The following DPP10 variants were observed in gnomAD, a reference collection of about 807,000 sequenced individuals.
DPP10 encodes dipeptidyl peptidase like 10, also known as inactive dipeptidyl peptidase 10.
DPP10 carries 33 observed loss-of-function variants against 120.9 expected under a neutral mutation model. The observed-to-expected ratio is 0.27, with a 90% CI of 0.21 to 0.37. DPP10 has a LOEUF of 0.37. Ranked by LOEUF, DPP10 falls within the 10% of genes least tolerant of loss-of-function variation. The pLI is 1.00. For synonymous variants in DPP10, 337 were observed against 326.1 expected (o/e 1.03, Z -0.36); for missense variants, 816 against 942.8 (o/e 0.87, Z 1.76).
chr2:114,564,893 T>A (rs996791745), intron 1 of DPP10, among the ~76,000 whole-genome samples: 67 of 152,118 alleles, frequency 4.4e-4, no homozygotes, highest in African/African-American at 1.6e-3. Flanking sequence ...AGAGAGAGAT[T>A]TAAAGATCTT....
intron 1 of DPP10, among the ~76,000 whole-genome samples, chr2:115,021,193 C>T (rs986956999): frequency 7.2e-5 from 11 of 151,752 alleles, no homozygotes; most frequent in African/African-American, 2.7e-4. Flanking sequence ...GAAATTGAAA[C>T]AAACAACAAC....
At chr2:115,133,172 T>TATAC (rs2104800299) in intron 1 of DPP10, among the ~76,000 whole-genome samples, 1 of 129,542 alleles carries the variant, frequency 7.7e-6, no homozygotes, top group South Asian at 2.5e-4. Flanking sequence ...TATATATATA[T>TATAC]ATATAGTTTT....
chr2:115,016,038 C>T (rs763284163), intron 1 of DPP10, among the ~76,000 whole-genome samples: 3 of 152,044 alleles, frequency 2.0e-5, no homozygotes, highest in African/African-American at 7.2e-5. Context: ...GCCCATATAG[C>T]CAAGACAATC....
rs141587779 is a variant in DPP10 at position 114,913,125 on chromosome 2, T to C, written c.61-396114T>C. On this transcript the variant is annotated intron_variant, in intron 1 of 25. Transcript: ENST00000410059. The stretch of plus-strand genomic sequence containing the variant: ...GCCTCAGCTGCCAAGCCAAGATGCT[T>C]ACCGGCAGCCATCACCATAGCTCTT... 2.6e-3 allele frequency among the ~76,000 whole-genome samples: 401 copies of C among 152,316 alleles called. 1 individual carries two copies. The highest frequency in any genetic ancestry group is 9.2e-3 in the African/African-American group (384 of 41,584).
chr2:115,006,549 A>C (rs1314905245), intron 1 of DPP10, among the ~76,000 whole-genome samples: 14 of 149,090 alleles, frequency 9.4e-5, no homozygotes. Context: ...GAAAACAAAA[A>C]AAGGCAGGGG....
In DPP10 at chr2:114,497,863, G is replaced by C. The variant is rs1476711523; in HGVS notation, c.60+55025G>C. Among the ~76,000 whole-genome samples the C allele has an allele frequency of 3.9e-5, 6 of 152,178 alleles. No homozygotes were observed. The South Asian group carries it at 1.2e-3, about 32-fold the overall frequency. Reference sequence around the variant, plus strand: ...AAAGTGGGAGGCACAGAACAAGGGGGAGGGCAGGTATGAACATCCAGAGCG... The same window carrying C: ...AAAGTGGGAGGCACAGAACAAGGGGCAGGGCAGGTATGAACATCCAGAGCG... On this transcript the variant is annotated intron_variant, in intron 1 of 25. Transcript: ENST00000410059.
At chr2:114,661,323 T>A (rs994322173) in intron 1 of DPP10, among the ~76,000 whole-genome samples, 1 of 152,200 alleles carries the variant, frequency 6.6e-6, no homozygotes, top group Non-Finnish European at 1.5e-5. Flanking sequence ...AAATGGAGCA[T>A]AAGTTTCTCT....
chr2:115,577,755 T>C (rs1478328383), intron 5 of DPP10, among the ~76,000 whole-genome samples: 4 of 152,136 alleles, frequency 2.6e-5, no homozygotes, highest in African/African-American at 9.7e-5. Flanking sequence ...CCTTATATGC[T>C]CACATGGTGT....
intron 5 of DPP10, among the ~76,000 whole-genome samples, chr2:115,674,007 T>G (rs1243842584): frequency 6.6e-6 from 1 of 151,782 alleles, no homozygotes; most frequent in Non-Finnish European, 1.5e-5. Context: ...AGGTCAGGAG[T>G]TCGAGACCAG....
At chr2:115,003,909 G>C (rs1509735) in intron 1 of DPP10, among the ~76,000 whole-genome samples, 98,501 of 151,988 alleles carry the variant, frequency 0.65, 33,684 homozygotes, top group Non-Finnish European at 0.77. Context: ...CATAGTATTA[G>C]TTTACTACAT....
intron 5 of DPP10, among the ~76,000 whole-genome samples, chr2:115,663,779 G>T (rs1029778428): frequency 1.3e-5 from 2 of 152,030 alleles, no homozygotes; most frequent in Non-Finnish European, 2.9e-5. Flanking sequence ...GGCGGATCAC[G>T]AGGTCGGGAG....
intron 1 of DPP10, among the ~76,000 whole-genome samples, chr2:115,208,010 T>C (rs1014880527): frequency 6.6e-6 from 1 of 152,152 alleles, no homozygotes; most frequent in South Asian, 2.1e-4. Context: ...GTACAGATAT[T>C]AGATAGAGGA....
chr2:115,180,754 A>C (rs1423083886), intron 1 of DPP10, among the ~76,000 whole-genome samples: 1 of 152,170 alleles, frequency 6.6e-6, no homozygotes, highest in Non-Finnish European at 1.5e-5. Context: ...GCTCCAAGGA[A>C]ATGTTTCTAG....
chr2:115,140,518 G>A (rs944988217), intron 1 of DPP10, among the ~76,000 whole-genome samples: 1 of 152,208 alleles, frequency 6.6e-6, no homozygotes, highest in Non-Finnish European at 1.5e-5. Context: ...TTTGAGTAGA[G>A]TGATGTGATC....
intron 1 of DPP10, among the ~76,000 whole-genome samples, chr2:115,059,939 T>C (rs1438552982): frequency 6.6e-6 from 1 of 152,058 alleles, no homozygotes; most frequent in Non-Finnish European, 1.5e-5. Context: ...TTCACTTCTT[T>C]CCAAATTGAT....
Position 115,467,714 on chromosome 2 carries a change from C to T in DPP10, c.272-31796C>T, listed in dbSNP as rs541994753. On this transcript the variant is annotated intron_variant, in intron 3 of 25. Transcript: ENST00000410059. ...AGAGTACAAGGCATCTGGAATTAAT[C>T]TGAAAAATTATTATTAGAATAATGA... 9.7e-4 allele frequency among the ~76,000 whole-genome samples: 147 copies of T among 152,270 alleles called. No individual in the cohort carries two copies. In the Middle Eastern group the frequency reaches 0.014, roughly 14 times the overall value.
chr2:115,746,341 C>G (rs1366465876), intron 10 of DPP10, among the ~76,000 whole-genome samples, 158 bp downstream of exon 10: 1 of 152,156 alleles, frequency 6.6e-6, no homozygotes, highest in Non-Finnish European at 1.5e-5. Context: ...CATTCTCGGT[C>G]TCTGGCTGTT....
At chr2:114,702,935 C>A (rs950502944) in intron 1 of DPP10, among the ~76,000 whole-genome samples, 1 of 152,020 alleles carries the variant, frequency 6.6e-6, no homozygotes, top group Non-Finnish European at 1.5e-5. Flanking sequence ...TTCTTTGTAC[C>A]TTGAACAATT....
chr2:115,764,308 A>G (rs1196901452), intron 12 of DPP10, among the ~76,000 whole-genome samples: 16 of 152,162 alleles, frequency 1.1e-4, no homozygotes, highest in African/African-American at 7.2e-5. Flanking sequence ...TCTGAAGGGT[A>G]GGTAGATGGA....
Sources: gnomAD v4.1 joint callset for allele counts (sites outside exome capture counted in the v4.1 genomes callset) on GRCh38, gnomAD v4.1.1 for gene constraint, MANE v1.5 for transcripts, NCBI Gene and HGNC (gene_info 2026-07-23, HGNC 2026-07-21) for gene names.